The following ZBED4 variants were observed in gnomAD, a reference collection of about 807,000 sequenced individuals.
ZBED4 encodes zinc finger BED-type containing 4.
In ZBED4, 4 loss-of-function variants were observed where a neutral mutation model predicts 15.5. That is an observed-to-expected ratio of 0.26 (90% CI 0.13 to 0.59). The LOEUF (loss-of-function observed/expected upper bound fraction) is 0.59, where lower values mean the gene tolerates loss of function less well. ZBED4 is among the 20% of genes least tolerant of loss of function. The pLI is 0.90. For missense variants in ZBED4, 1,323 were observed against 1,461.8 expected (o/e 0.91, Z 1.55); for synonymous variants, 692 against 608.5 (o/e 1.14, Z -2.02).
At chr22:49,857,104 GC>G (rs1185412546) in intron 1 of ZBED4, among the ~76,000 whole-genome samples, 7 of 152,214 alleles carry the variant, frequency 4.6e-5, no homozygotes, top group Non-Finnish European at 7.3e-5. Flanking sequence ...TTCCTCCAAA[GC>G]TGCTCCTCAT....
rs910312340 is a variant in ZBED4, at chr22:49,886,558, A to G, written c.2896A>G (p.Arg966Gly). The change falls in exon 2 of 2, where the codon AGG (arginine) becomes GGG (glycine). Residue 966 changes from arginine to glycine, a missense_variant. By Grantham distance (125) the Arg-to-Gly change is moderately radical (BLOSUM62 -2). Around this residue, in one of 6 missense-constraint regions of ZBED4, gnomAD observed 312 missense variants for 410.7 expected, o/e 0.76. Coordinates refer to ENST00000216268, the MANE Select transcript of ZBED4 (RefSeq NM_014838.3). The surrounding 1 kb of genome is among the most constrained non-coding windows in gnomAD (Gnocchi z 7.7). ...QVIPMVHILN[R>G]KVEMLFEETM... ...CATCCCCATGGTACACATCCTCAAC[A>G]GGAAGGTGGAGATGCTCTTCGAGGA... is the stretch of plus-strand genomic sequence containing the variant. 6.4e-7 allele frequency: 1 copy of G among 1,558,624 alleles called. No homozygotes were observed. Among genetic ancestry groups the G allele is most frequent in the Non-Finnish European group, 8.7e-7 (1 of 1,150,926 alleles).
At chr22:49,878,112 C>T (rs982700333) in intron 1 of ZBED4, among the ~76,000 whole-genome samples, 5 of 152,004 alleles carry the variant, frequency 3.3e-5, no homozygotes, top group African/African-American at 1.2e-4. Context: ...CAAGACAATC[C>T]TGGCCAACGT....
In ZBED4 at chr22:49,869,683, A is replaced by G. The variant is rs2060337931; in HGVS notation, c.-329-13651A>G. On this transcript the variant is annotated intron_variant, in intron 1 of 1. Transcript: ENST00000216268. ...AGCTTTCATGGAAATAATCTGATATACGTAAAAGTGGAAAGGGTAGCATAA... is the reference window on the plus strand; with the variant it reads ...AGCTTTCATGGAAATAATCTGATATGCGTAAAAGTGGAAAGGGTAGCATAA... Among the ~76,000 whole-genome samples the G allele has an allele frequency of 2.6e-5, 4 of 152,094 alleles. No homozygotes were observed. In the South Asian group the frequency reaches 8.3e-4, roughly 32 times the overall value.
At chr22:49,876,550 A>G (rs2060377315) in intron 1 of ZBED4, among the ~76,000 whole-genome samples, 1 of 151,718 alleles carries the variant, frequency 6.6e-6, no homozygotes, top group South Asian at 2.1e-4. Context: ...TTATTCTTAA[A>G]TCTTTACCCG....
Position 49,888,571 on chromosome 22 carries a change from G to C in ZBED4, c.*1393G>C. The C allele has an allele frequency of 6.0e-6, 1 of 167,274 alleles. No individual in the cohort carries two copies. The highest frequency in any genetic ancestry group is 1.9e-4 in the East Asian group (1 of 5,342). The allele number at this position is 167,274 out of a possible 1,614,324, so 10.4% of individuals were successfully genotyped here. ...CACCTTAACCCCAGACAGGGCTCCA[G>C]GGAAGTGGAGATGTAATTCTTACAA... On this transcript the variant is annotated 3_prime_UTR_variant, in exon 2 of 2. Coordinates refer to ENST00000216268, the MANE Select transcript of ZBED4 (RefSeq NM_014838.3).
intron 1 of ZBED4, among the ~76,000 whole-genome samples, chr22:49,864,589 G>A (rs897690585): frequency 1.3e-5 from 2 of 152,154 alleles, no homozygotes; most frequent in African/African-American, 4.8e-5. Context: ...GGTTGAGGTG[G>A]GAGGATCACT....
At chr22:49,879,153 A>C (rs2060394080) in intron 1 of ZBED4, among the ~76,000 whole-genome samples, 1 of 147,956 alleles carries the variant, frequency 6.8e-6, no homozygotes, top group African/African-American at 2.5e-5. Flanking sequence ...CAAAAAAAAA[A>C]CAAAAAACAA....
At chr22:49,869,950 C>T (rs956850630) in intron 1 of ZBED4, among the ~76,000 whole-genome samples, 1 of 152,168 alleles carries the variant, frequency 6.6e-6, no homozygotes, top group African/African-American at 2.4e-5. Flanking sequence ...GTTTTTCAGT[C>T]TTGTCCCCTC....
chr22:49,883,439 T>C lies in ZBED4; in HGVS notation c.-224T>C, dbSNP rs187934322. The C allele has an allele frequency of 1.0e-4, 50 of 490,852 alleles. No homozygotes were observed. In the Middle Eastern group the frequency reaches 2.3e-3, roughly 23 times the overall value. The allele number at this position is 490,852 out of a possible 1,614,324, so 30.4% of individuals were successfully genotyped here. On this transcript the variant is annotated 5_prime_UTR_variant, in exon 2 of 2. Transcript: ENST00000216268. Reference sequence around the variant, plus strand: ...CACACATTGTTGTCTACACCATGAGTGTTTAGTAGCAGGACTCTTGGAAAG... The same window carrying C: ...CACACATTGTTGTCTACACCATGAGCGTTTAGTAGCAGGACTCTTGGAAAG...
chr22:49,869,125 A>T (rs2147517207), intron 1 of ZBED4, among the ~76,000 whole-genome samples: 1 of 151,500 alleles, frequency 6.6e-6, no homozygotes, highest in Admixed American at 6.6e-5. Flanking sequence ...CTGTCTCAAA[A>T]AAAAAAAAAA....
At chr22:49,875,872 A>G (rs1024671953) in intron 1 of ZBED4, among the ~76,000 whole-genome samples, 6 of 151,424 alleles carry the variant, frequency 4.0e-5, no homozygotes, top group African/African-American at 1.5e-4. Context: ...TTCTCTAATC[A>G]ATATTTGTAG....
intron 1 of ZBED4, among the ~76,000 whole-genome samples, chr22:49,872,421 A>G (rs185253612): frequency 2.0e-5 from 3 of 152,262 alleles, no homozygotes; most frequent in African/African-American, 7.2e-5. Context: ...CACTTCCTCC[A>G]TTGAAGTCTG....
intron 1 of ZBED4, among the ~76,000 whole-genome samples, chr22:49,878,705 C>G (rs981508899): frequency 7.2e-5 from 11 of 152,124 alleles, no homozygotes; most frequent in African/African-American, 2.7e-4. Flanking sequence ...GTGAAGTGGA[C>G]TTCATCAAAA....
intron 1 of ZBED4, among the ~76,000 whole-genome samples, chr22:49,867,293 C>T (rs751467305): frequency 4.6e-5 from 7 of 152,148 alleles, no homozygotes; most frequent in African/African-American, 1.7e-4. Context: ...ATGCCCAACG[C>T]GTATGTTATG....
At chr22:49,877,484 G>T (rs567917006) in intron 1 of ZBED4, among the ~76,000 whole-genome samples, 1 of 152,062 alleles carries the variant, frequency 6.6e-6, no homozygotes, top group South Asian at 2.1e-4. Context: ...TAGAGACGGG[G>T]TTTCACCATG....
In ZBED4 at chr22:49,889,563, A is replaced by C. The variant is rs41280557; in HGVS notation, c.*2385A>C. ...AGTGTATAAAAGGGGATTGCAGAAA[A>C]AAATGAGGGCTTGCTTTACTCAACA... On this transcript the variant is annotated 3_prime_UTR_variant, in exon 2 of 2. Transcript: ENST00000216268. 1,873 of 167,322 alleles carry C rather than the reference A, an allele frequency of 0.011. 20 individuals are homozygous for C. Among genetic ancestry groups the C allele is most frequent in the Non-Finnish European group, 0.014 (924 of 68,128 alleles). The allele number at this position is 167,322 out of a possible 1,614,324, so 10.4% of individuals were successfully genotyped here.
intron 1 of ZBED4, among the ~76,000 whole-genome samples, chr22:49,858,946 G>A (rs2147499515): frequency 1.3e-5 from 2 of 152,300 alleles, no homozygotes; most frequent in East Asian, 3.9e-4. Flanking sequence ...AGGTGATGCT[G>A]TGTGCTGCAC....
Position 49,888,178 on chromosome 22 carries a change from A to G in ZBED4, c.*1000A>G, listed in dbSNP as rs867174640. 4 of 167,344 alleles carry G rather than the reference A, an allele frequency of 2.4e-5. No individual in the cohort carries two copies. Among genetic ancestry groups the G allele is most frequent in the African/African-American group, 9.6e-5 (4 of 41,582 alleles). 10.4% of individuals were successfully genotyped at this position (167,344 alleles called of 1,614,324 possible). ...TGCGGCCATCACTGGGATATTTTCA[A>G]ATCCCAAGGACATCAGAGTGAAGTG... On this transcript the variant is annotated 3_prime_UTR_variant, in exon 2 of 2. Transcript: ENST00000216268.
chr22:49,887,251 C>G lies in ZBED4; in HGVS notation c.*73C>G, dbSNP rs1207093476. 5 of 1,483,256 alleles carry G rather than the reference C, an allele frequency of 3.4e-6. No individual in the cohort carries two copies. 91.9% of individuals were successfully genotyped at this position (1,483,256 alleles called of 1,614,324 possible). A position where few individuals can be genotyped will look rare whatever the true frequency, so the allele number is the denominator to read the frequency against. On this transcript the variant is annotated 3_prime_UTR_variant, in exon 2 of 2. Transcript: ENST00000216268. ...AGCAGCCTGTACCAGGTCTATGACC[C>G]GCTCTGCCCACGGCTGTGTACGACA...
Sources: gnomAD v4.1 joint callset for allele counts (sites outside exome capture counted in the v4.1 genomes callset) on GRCh38, gnomAD v4.1.1 for gene constraint, gnomAD v4.1.1 regional missense constraint, Gnocchi (gnomAD v3.1) non-coding constraint, MANE v1.5 for transcripts, NCBI Gene and HGNC (gene_info 2026-07-23, HGNC 2026-07-21) for gene names.